Variants in WASF2 observed in about 807,000 individuals in gnomAD.
WASF2 encodes the protein actin-binding protein WASF2.
Under a neutral mutation model 45.0 loss-of-function variants are expected in WASF2, and 14 were observed. The observed-to-expected ratio is 0.31, with a 90% confidence interval of 0.21 to 0.49. The LOEUF is 0.49. Among genes scored for constraint, WASF2 ranks in the 20% least tolerant of loss-of-function variants. The pLI is 0.99. For missense variants in WASF2, 439 were observed against 636.1 expected, an observed-to-expected ratio of 0.69 and a Z score of 3.33; for synonymous variants, 200 against 236.3, an observed-to-expected ratio of 0.85 and a Z score of 1.41.
intron 1 of WASF2, among the ~76,000 whole-genome samples, chr1:27,484,139 G>T (rs977182195): frequency 6.6e-6 from 1 of 152,116 alleles, no homozygotes; most frequent in Non-Finnish European, 1.5e-5. Flanking sequence ...GCAGCTACTT[G>T]GTTTCTTAAA....
intron 1 of WASF2, among the ~76,000 whole-genome samples, chr1:27,447,779 A>C (rs1435591518): frequency 6.6e-6 from 1 of 152,242 alleles, no homozygotes; most frequent in African/African-American, 2.4e-5. Flanking sequence ...GTACACAAGC[A>C]GCTAAAACTA....
At chr1:27,467,848 G>T (rs2017636761) in intron 1 of WASF2, among the ~76,000 whole-genome samples, 1 of 151,852 alleles carries the variant, frequency 6.6e-6, no homozygotes, top group Non-Finnish European at 1.5e-5. Context: ...GGAGGCGGAG[G>T]TTGCAGTACA....
intron 1 of WASF2, among the ~76,000 whole-genome samples, chr1:27,466,306 G>A (rs1451810410): frequency 6.6e-6 from 1 of 152,122 alleles, no homozygotes; most frequent in African/African-American, 2.4e-5. Context: ...CACATTTAAT[G>A]AAATCATGGA....
At chr1:27,420,382 AAT>A (rs1007251972) in intron 2 of WASF2, among the ~76,000 whole-genome samples, 3 of 152,272 alleles carry the variant, frequency 2.0e-5, no homozygotes, top group Middle Eastern at 3.4e-3. Context: ...TCAACCCTGG[AAT>A]GCAAGGAGAA....
At chr1:27,461,978 CTTTTT>C (rs373306411) in intron 1 of WASF2, among the ~76,000 whole-genome samples, 15 of 132,868 alleles carry the variant, frequency 1.1e-4, no homozygotes, top group Non-Finnish European at 2.3e-4. Context: ...TATTTTATTA[CTTTTT>C]TTTTTTTTTT....
intron 1 of WASF2, among the ~76,000 whole-genome samples, chr1:27,479,780 A>G (rs1043148896): frequency 6.6e-6 from 1 of 152,124 alleles, no homozygotes; most frequent in Non-Finnish European, 1.5e-5. Context: ...CAGGAGAATC[A>G]CTGGAACCAG....
intron 2 of WASF2, among the ~76,000 whole-genome samples, chr1:27,421,176 G>C (rs1047286580): frequency 9.9e-5 from 15 of 152,220 alleles, no homozygotes; most frequent in African/African-American, 3.4e-4. Context: ...ACGCTCCTGA[G>C]CTCAAAGAAC....
intron 7 of WASF2, among the ~76,000 whole-genome samples, chr1:27,411,651 C>T (rs1034808381): frequency 1.3e-5 from 2 of 152,160 alleles, no homozygotes; most frequent in African/African-American, 4.8e-5. Flanking sequence ...ATCATGAGGT[C>T]AGGAGATCGA....
chr1:27,449,467 C>T (rs757135846), intron 1 of WASF2, among the ~76,000 whole-genome samples: 11 of 151,856 alleles, frequency 7.2e-5, no homozygotes, highest in East Asian at 5.8e-4. Flanking sequence ...GGCATGGTGG[C>T]GCATGCCTGT....
intron 1 of WASF2, among the ~76,000 whole-genome samples, chr1:27,479,512 T>C (rs1168269262): frequency 6.6e-6 from 1 of 152,242 alleles, no homozygotes; most frequent in African/African-American, 2.4e-5. Context: ...TTCCATTATT[T>C]AGTTGAATAA....
intron 1 of WASF2, among the ~76,000 whole-genome samples, chr1:27,430,791 T>C (rs1474452463): frequency 6.6e-6 from 1 of 150,386 alleles, no homozygotes; most frequent in East Asian, 1.9e-4. Flanking sequence ...CCCAATATTA[T>C]AAACTCCTCT....
Position 27,418,293 on chromosome 1 carries a change from G to C in WASF2, c.395C>G (p.Pro132Arg), listed in dbSNP as rs531006166. ...ETYNTCDTPP[P>R]LNNLTPYRDD... is the part of the protein sequence containing the mutation. ...CCTGTAAGGGGTAAGATTGTTGAGA[G>C]GGGGAGGAGTATCACAGGTATTGTA... Residue 132 changes from proline (P) to arginine (R), a missense_variant, in exon 4 of 9, where the codon CCT becomes CGT. Physicochemically the swap from Pro to Arg is moderately radical, Grantham distance 103. Coordinates refer to ENST00000618852, the MANE Select transcript of WASF2 (RefSeq NM_006990.5). 37 of 1,614,190 alleles carry C rather than the reference G, an allele frequency of 2.3e-5. No homozygotes were observed. Among genetic ancestry groups the C allele is most frequent in the Middle Eastern group, 1.6e-4 (1 of 6,062 alleles).
At chr1:27,419,611 A>G (rs2016874983) in intron 2 of WASF2, among the ~76,000 whole-genome samples, 1 of 152,186 alleles carries the variant, frequency 6.6e-6, no homozygotes, top group South Asian at 2.1e-4. Flanking sequence ...CGAGACTCCA[A>G]ATAAAATAAA....
intron 6 of WASF2, 143 bp from the exon 7 acceptor site, chr1:27,412,870 T>C (rs980270796): frequency 2.2e-6 from 2 of 893,768 alleles, no homozygotes; most frequent in African/African-American, 3.4e-5. Context: ...TATTTTCTGT[T>C]ACACTGAAAT....
rs1308074153 is a variant in WASF2, at chr1:27,407,698, G to A, written c.*491C>T. ...ATTAGGGCAGAGGGTGAGGCAGTCT[G>A]GCCCTTGGACCCTTCGGCCTACTCT... On this transcript the variant is annotated 3_prime_UTR_variant, in exon 9 of 9. Coordinates refer to ENST00000618852, the MANE Select transcript of WASF2 (RefSeq NM_006990.5). 1 of 153,124 alleles carries A rather than the reference G, an allele frequency of 6.5e-6. No homozygotes were observed. The highest frequency in any genetic ancestry group is 1.5e-5 in the Non-Finnish European group (1 of 68,726). 9.5% of individuals were successfully genotyped at this position (153,124 alleles called of 1,614,324 possible).
chr1:27,454,044 A>C (rs71514288), intron 1 of WASF2, among the ~76,000 whole-genome samples: 14,581 of 149,996 alleles, frequency 0.097, 938 homozygotes, highest in Non-Finnish European at 0.15. Context: ...TCTATCTCTA[A>C]ATGTTATATT....
chr1:27,473,471 A>AG (rs1369288827), intron 1 of WASF2, among the ~76,000 whole-genome samples: 6 of 151,464 alleles, frequency 4.0e-5, no homozygotes, highest in South Asian at 2.1e-4. Flanking sequence ...AAAAAAAAAA[A>AG]AAAGAAAGAA....
chr1:27,425,297 G>A (rs1396895106), intron 2 of WASF2, among the ~76,000 whole-genome samples: 1 of 152,142 alleles, frequency 6.6e-6, no homozygotes, highest in Non-Finnish European at 1.5e-5. Flanking sequence ...TATATTGCCA[G>A]GACTGGTCTC....
intron 1 of WASF2, among the ~76,000 whole-genome samples, chr1:27,429,627 A>G (rs2017033927): frequency 6.6e-6 from 1 of 152,140 alleles, no homozygotes; most frequent in South Asian, 2.1e-4. Flanking sequence ...AATACAAAAA[A>G]TTGGCCAGGC....
Sources: allele counts gnomAD v4.1 joint callset (sites outside exome capture counted in the v4.1 genomes callset), GRCh38; gene constraint gnomAD v4.1.1; transcripts MANE v1.5; gene names NCBI Gene and HGNC (gene_info 2026-07-23, HGNC 2026-07-21).